Variants in PCDHA2 observed in about 807,000 individuals in gnomAD.
PCDHA2 encodes the protein protocadherin alpha 2.
A neutral mutation model predicts 66.0 loss-of-function variants in PCDHA2; 58 were observed. That is an observed-to-expected ratio of 0.88 (90% CI 0.71 to 1.09). PCDHA2 has a LOEUF of 1.09. PCDHA2 is among the 50% of genes least tolerant of loss of function. The pLI is 0.00. For missense variants in PCDHA2, 1,267 were observed against 1,242.3 expected, an observed-to-expected ratio of 1.02 and a Z score of -0.30; for synonymous variants, 634 against 554.0, an observed-to-expected ratio of 1.14 and a Z score of -2.03.
At chr5:140,928,699 G>A in intron 1 of PCDHA2, 3 of 1,614,170 alleles carry the variant, frequency 1.9e-6, no homozygotes, top group Non-Finnish European at 2.5e-6. Flanking sequence ...CATCTCCCGG[G>A]CGTCTGACTC....
At chr5:140,997,837 T>G (rs1414415987) in intron 3 of PCDHA2, among the ~76,000 whole-genome samples, 2 of 152,222 alleles carry the variant, frequency 1.3e-5, no homozygotes, top group African/African-American at 4.8e-5. Context: ...AACAATACAA[T>G]ATACATTCTT....
chr5:140,828,240 A>C (rs2150152921), intron 1 of PCDHA2: 1 of 1,613,948 alleles, frequency 6.2e-7, no homozygotes, highest in South Asian at 1.1e-5. Flanking sequence ...CGGATCGCGC[A>C]GGACCTGGGG....
At chr5:140,807,149 A>T (rs1448139533) in intron 1 of PCDHA2, 1 of 1,578,410 alleles carries the variant, frequency 6.3e-7, no homozygotes, top group Admixed American at 1.8e-5. Context: ...TGACTTTGAG[A>T]AACGATATTT....
chr5:140,894,886 G>T (rs2153448289), intron 1 of PCDHA2, among the ~76,000 whole-genome samples: 1 of 152,202 alleles, frequency 6.6e-6, no homozygotes, highest in South Asian at 2.1e-4. Flanking sequence ...AGAAGAAACA[G>T]ACCAGGATAA....
chr5:140,858,282 G>A (rs782040852), intron 1 of PCDHA2: 1 of 1,597,598 alleles, frequency 6.3e-7, no homozygotes, highest in Admixed American at 1.7e-5. Context: ...GCGGTGGGGA[G>A]CTGGTCTTAC....
chr5:140,925,935 CTCTTGGAG>C (rs35448813), intron 1 of PCDHA2, among the ~76,000 whole-genome samples: 7,062 of 152,190 alleles, frequency 0.046, 287 homozygotes, highest in African/African-American at 0.11. Context: ...CAAGTAGAGC[CTCTTGGAG>C]AAGGAGAAAC....
chr5:140,912,993 T>C (rs186652657), intron 1 of PCDHA2, among the ~76,000 whole-genome samples: 1 of 152,294 alleles, frequency 6.6e-6, no homozygotes, highest in Non-Finnish European at 1.5e-5. Flanking sequence ...TTCAGTTTGC[T>C]AGTATTTTGT....
At chr5:140,891,494 C>T (rs548491891) in intron 1 of PCDHA2, among the ~76,000 whole-genome samples, 1 of 151,678 alleles carries the variant, frequency 6.6e-6, no homozygotes, top group South Asian at 2.1e-4. Flanking sequence ...TGAGCATATC[C>T]TCAGCTATAA....
In PCDHA2 at chr5:140,876,048, T is replaced by A. The variant is rs376201695; in HGVS notation, c.2388+78696T>A. 5 of 1,613,812 alleles carry A rather than the reference T, an allele frequency of 3.1e-6. No individual in the cohort carries two copies. In the African/African-American group the frequency reaches 5.3e-5, roughly 17 times the overall value. On this transcript the variant is annotated intron_variant, in intron 1 of 3. Transcript: ENST00000526136. ...CAAAAAAAGATAAAAGTATATTGCC[T>A]GAATTAGTTCTTCGGAAGTTATTGG...
intron 1 of PCDHA2, chr5:140,807,956 A>G: frequency 1.2e-6 from 2 of 1,612,664 alleles, no homozygotes; most frequent in Non-Finnish European, 1.7e-6. Context: ...AAATGTTCCT[A>G]ATGGAACATT....
rs374265125 is a variant in PCDHA2 at position 140,808,741 on chromosome 5, C to G, written c.2388+11389C>G. The G allele has an allele frequency of 1.4e-4, 219 of 1,612,110 alleles. No individual in the cohort carries two copies. The East Asian group carries it at 4.5e-3, about 33-fold the overall frequency. ...TGCATGCGGAGAGCGGCAAGGTGTA[C>G]GCGCTGCAGCCGCTGGACCACGAGG... On this transcript the variant is annotated intron_variant, in intron 1 of 3. Coordinates refer to ENST00000526136, the MANE Select transcript of PCDHA2 (RefSeq NM_018905.3).
At chr5:140,804,261 T>A (rs1212354141) in intron 1 of PCDHA2, 2 of 152,214 alleles carry the variant, frequency 1.3e-5, no homozygotes, top group African/African-American at 4.8e-5. Context: ...AGAATAACAA[T>A]TGCATTTAGA....
At chr5:140,984,581 C>G (rs141574202) in intron 3 of PCDHA2, among the ~76,000 whole-genome samples, 5 of 152,158 alleles carry the variant, frequency 3.3e-5, no homozygotes, top group African/African-American at 1.2e-4. Context: ...GCAACCTAAT[C>G]ATACTTTTCA....
At chr5:140,841,219 G>T in intron 1 of PCDHA2, 1 of 1,437,982 alleles carries the variant, frequency 7.0e-7, no homozygotes, top group South Asian at 1.4e-5. Context: ...TCTAAAGGCC[G>T]AACAACGGGA....
At chr5:140,891,801 C>T (rs2063255606) in intron 1 of PCDHA2, among the ~76,000 whole-genome samples, 1 of 152,056 alleles carries the variant, frequency 6.6e-6, no homozygotes, top group Non-Finnish European at 1.5e-5. Context: ...AGGGATCTGC[C>T]CTCATGAATA....
intron 1 of PCDHA2, among the ~76,000 whole-genome samples, chr5:140,897,009 ATAC>A (rs2065839600): frequency 6.6e-6 from 1 of 152,174 alleles, no homozygotes. Flanking sequence ...ATTTTTAAAT[ATAC>A]AACTAAATTA....
intron 1 of PCDHA2, chr5:140,809,132 G>A: frequency 6.2e-7 from 1 of 1,614,020 alleles, no homozygotes; most frequent in East Asian, 2.2e-5. Flanking sequence ...CCGCCTACTG[G>A]TACTGGTGAA....
chr5:140,802,997 C>G (rs781934902), intron 1 of PCDHA2: 1 of 1,614,040 alleles, frequency 6.2e-7, no homozygotes, highest in Non-Finnish European at 8.5e-7. Context: ...TGGATGCAGA[C>G]TCAGGCTACA....
intron 3 of PCDHA2, chr5:140,989,029 T>C (rs1179991724): frequency 6.6e-6 from 1 of 152,170 alleles, no homozygotes. Context: ...TCAGTTATCA[T>C]TGATTCCTTT....
Sources: gnomAD v4.1 joint callset for allele counts (sites outside exome capture counted in the v4.1 genomes callset) on GRCh38, gnomAD v4.1.1 for gene constraint, MANE v1.5 for transcripts, NCBI Gene and HGNC (gene_info 2026-07-23, HGNC 2026-07-21) for gene names.